Variants in UBE2E2 observed in about 807,000 individuals in gnomAD.
UBE2E2 encodes the protein ubiquitin-conjugating enzyme E2 E2.
Under a neutral mutation model 24.7 loss-of-function variants are expected in UBE2E2, and 6 were observed. The observed-to-expected ratio is 0.24, with a 90% CI of 0.13 to 0.48. The LOEUF is 0.48. Ranked by LOEUF, UBE2E2 falls within the 20% of genes least tolerant of loss-of-function variation. UBE2E2 has a pLI of 0.99. For synonymous variants in UBE2E2, 104 were observed against 83.6 expected, an observed-to-expected ratio of 1.24 and a Z score of -1.33; for missense variants, 169 against 245.0, an observed-to-expected ratio of 0.69 and a Z score of 2.07.
At chr3:23,223,825 A>G (rs1482192563) in intron 3 of UBE2E2, among the ~76,000 whole-genome samples, 6 of 152,144 alleles carry the variant, frequency 3.9e-5, no homozygotes, top group Non-Finnish European at 8.8e-5. Context: ...TTTTTTGTGT[A>G]TGGTGAGAGA....
At chr3:23,495,869 C>G (rs1395209799) in intron 3 of UBE2E2, among the ~76,000 whole-genome samples, 2 of 152,130 alleles carry the variant, frequency 1.3e-5, no homozygotes, top group African/African-American at 2.4e-5. Context: ...CAATATATTC[C>G]AACCCTTTGC....
At chr3:23,428,362 A>G (rs1396348005) in intron 3 of UBE2E2, among the ~76,000 whole-genome samples, 1 of 152,220 alleles carries the variant, frequency 6.6e-6, no homozygotes, top group Non-Finnish European at 1.5e-5. Context: ...ACAAAAACAC[A>G]GCCTATCAGA....
At chr3:23,390,197 C>T (rs565362481) in intron 3 of UBE2E2, among the ~76,000 whole-genome samples, 3 of 152,230 alleles carry the variant, frequency 2.0e-5, no homozygotes, top group East Asian at 3.9e-4. Context: ...GCCTGGAAAC[C>T]GAGGCCCTGA....
At chr3:23,435,105 T>A (rs1698152114) in intron 3 of UBE2E2, among the ~76,000 whole-genome samples, 1 of 152,224 alleles carries the variant, frequency 6.6e-6, no homozygotes, top group Non-Finnish European at 1.5e-5. Context: ...GATTGCTTCT[T>A]AAATAAAATC....
At chr3:23,283,697 G>T (rs533807125) in intron 3 of UBE2E2, among the ~76,000 whole-genome samples, 1 of 152,302 alleles carries the variant, frequency 6.6e-6, no homozygotes, top group East Asian at 1.9e-4. Context: ...AGGATGCAGT[G>T]AGCCATGATC....
intron 3 of UBE2E2, among the ~76,000 whole-genome samples, chr3:23,495,996 C>T (rs1167086696): frequency 1.3e-5 from 2 of 152,130 alleles, no homozygotes; most frequent in Admixed American, 6.6e-5. Context: ...CTGTTTCCTC[C>T]CATCTCCCCA....
intron 2 of UBE2E2, among the ~76,000 whole-genome samples, chr3:23,216,328 ATTGT>A (rs772782403): frequency 7.2e-5 from 11 of 152,128 alleles, no homozygotes; most frequent in Non-Finnish European, 1.6e-4. Context: ...GTAGAATGAA[ATTGT>A]TTGAGTTTAA....
At chr3:23,384,323 C>T (rs1575597862) in intron 3 of UBE2E2, among the ~76,000 whole-genome samples, 1 of 149,832 alleles carries the variant, frequency 6.7e-6, no homozygotes, top group Non-Finnish European at 1.5e-5. Context: ...TCTGCCACAC[C>T]CAGCTAATTT....
chr3:23,385,285 A>G (rs575844556), intron 3 of UBE2E2, among the ~76,000 whole-genome samples: 1 of 152,304 alleles, frequency 6.6e-6, no homozygotes, highest in South Asian at 2.1e-4. Flanking sequence ...GAATCACTTC[A>G]TTTCTGATTA....
chr3:23,220,661 A>G (rs376435924), intron 3 of UBE2E2, among the ~76,000 whole-genome samples: 4 of 152,312 alleles, frequency 2.6e-5, no homozygotes, highest in South Asian at 2.1e-4. Context: ...ATGTTTTCAT[A>G]CTACTGCTGA....
chr3:23,370,637 G>A (rs1435638873), intron 3 of UBE2E2, among the ~76,000 whole-genome samples: 1 of 152,204 alleles, frequency 6.6e-6, no homozygotes, highest in Non-Finnish European at 1.5e-5. Flanking sequence ...GTGAAATGGT[G>A]AGAAAAGAAG....
chr3:23,476,330 T>A (rs976497944), intron 3 of UBE2E2, among the ~76,000 whole-genome samples: 1 of 152,038 alleles, frequency 6.6e-6, no homozygotes, highest in African/African-American at 2.4e-5. Flanking sequence ...TGAATGTAAT[T>A]ATTATGCTAG....
intron 3 of UBE2E2, among the ~76,000 whole-genome samples, chr3:23,309,758 A>G (rs1294500562): frequency 6.6e-6 from 1 of 152,134 alleles, no homozygotes; most frequent in African/African-American, 2.4e-5. Flanking sequence ...GGCTGGAGGA[A>G]CTACTTTCAA....
At chr3:23,386,621 A>T (rs1696810659) in intron 3 of UBE2E2, among the ~76,000 whole-genome samples, 1 of 152,266 alleles carries the variant, frequency 6.6e-6, no homozygotes, top group African/African-American at 2.4e-5. Flanking sequence ...ATTTAAATGT[A>T]TAATGAGTTT....
intron 3 of UBE2E2, among the ~76,000 whole-genome samples, chr3:23,492,030 A>G (rs1393516001): frequency 1.3e-5 from 2 of 152,174 alleles, no homozygotes; most frequent in East Asian, 1.9e-4. Context: ...GTGATTGTCA[A>G]AGGTAGGTAA....
chr3:23,580,211 A>T (rs1042473666), intron 5 of UBE2E2, among the ~76,000 whole-genome samples: 1 of 152,250 alleles, frequency 6.6e-6, no homozygotes, highest in Non-Finnish European at 1.5e-5. Flanking sequence ...TCCGATTTTG[A>T]AAGAAGTTCT....
intron 3 of UBE2E2, among the ~76,000 whole-genome samples, chr3:23,249,936 G>A (rs772791268): frequency 2.0e-5 from 3 of 152,194 alleles, no homozygotes; most frequent in Non-Finnish European, 4.4e-5. Flanking sequence ...GACTACAGGC[G>A]TGAGCCACCG....
intron 3 of UBE2E2, among the ~76,000 whole-genome samples, chr3:23,237,814 A>C (rs1332297964): frequency 6.6e-6 from 1 of 152,142 alleles, no homozygotes; most frequent in Non-Finnish European, 1.5e-5. Flanking sequence ...ATAAGGCCTT[A>C]CTTAAACCAA....
chr3:23,210,896 A>G (rs1430664462), intron 2 of UBE2E2, among the ~76,000 whole-genome samples: 1 of 152,188 alleles, frequency 6.6e-6, no homozygotes, highest in South Asian at 2.1e-4. Context: ...ATTATGTACT[A>G]TTTATTTTAA....
Sources: gnomAD v4.1 joint callset for allele counts (sites outside exome capture counted in the v4.1 genomes callset) on GRCh38, gnomAD v4.1.1 for gene constraint, MANE v1.5 for transcripts, NCBI Gene and HGNC (gene_info 2026-07-23, HGNC 2026-07-21) for gene names.